Variants in DYNC1LI1 observed in about 807,000 individuals in gnomAD.
DYNC1LI1 encodes cytoplasmic dynein 1 light intermediate chain 1.
A neutral mutation model predicts 63.8 loss-of-function variants in DYNC1LI1; 19 were observed. That is an observed-to-expected ratio of 0.30 (90% CI 0.21 to 0.44). DYNC1LI1 has a LOEUF of 0.44. Ranked by LOEUF, DYNC1LI1 falls within the 20% of genes least tolerant of loss-of-function variation. DYNC1LI1 has a pLI of 1.00. For missense variants in DYNC1LI1, 565 were observed against 630.2 expected (o/e 0.90, Z 1.11); for synonymous variants, 225 against 232.3 (o/e 0.97, Z 0.28).
intron 2 of DYNC1LI1, among the ~76,000 whole-genome samples, chr3:32,568,823 T>C (rs1368091921): frequency 6.6e-6 from 1 of 152,324 alleles, no homozygotes; most frequent in East Asian, 1.9e-4. Context: ...AGAATCAATT[T>C]CAATGAGGTC....
rs1368393556 is a variant in DYNC1LI1 at position 32,529,526 on chromosome 3, A to G, written c.1306+14T>C. On this transcript the variant is annotated intron_variant, in intron 11 of 12. Coordinates refer to ENST00000273130, the MANE Select transcript of DYNC1LI1 (RefSeq NM_016141.4). ...AAAATGTATTGTCTTGTTATCTCCT[A>G]GAAAGAGATGTACCTTTCATGTTTG... The G allele has an allele frequency of 1.3e-6, 2 of 1,597,762 alleles. No individual in the cohort carries two copies. Among genetic ancestry groups the G allele is most frequent in the Non-Finnish European group, 1.7e-6 (2 of 1,171,798 alleles).
At chr3:32,545,386 A>G in intron 3 of DYNC1LI1, 1 of 457,984 alleles carries the variant, frequency 2.2e-6, no homozygotes, top group Non-Finnish European at 3.9e-6. Context: ...CCAAAACCAG[A>G]GGATGCATAA....
chr3:32,534,733 CT>C, intron 6 of DYNC1LI1, 87 bp from the exon 7 acceptor site: 1 of 1,124,250 alleles, frequency 8.9e-7, no homozygotes, highest in Non-Finnish European at 1.2e-6. Flanking sequence ...ACTTTTATTT[CT>C]ATGCATTTTA....
At chr3:32,565,536 T>G (rs533477057) in intron 2 of DYNC1LI1, among the ~76,000 whole-genome samples, 1 of 152,356 alleles carries the variant, frequency 6.6e-6, no homozygotes, top group East Asian at 1.9e-4. Context: ...ATCCTCTTAC[T>G]TACAAGGAAA....
chr3:32,560,743 C>T (rs917225003), intron 2 of DYNC1LI1, among the ~76,000 whole-genome samples: 10 of 151,740 alleles, frequency 6.6e-5, no homozygotes, highest in African/African-American at 2.4e-4. Context: ...GTGGCTCATG[C>T]CTGTAATCCC....
At chr3:32,568,979 A>G (rs147793028) in intron 2 of DYNC1LI1, among the ~76,000 whole-genome samples, 2 of 152,292 alleles carry the variant, frequency 1.3e-5, no homozygotes, top group Admixed American at 6.5e-5. Context: ...GCACTAATTC[A>G]ATTTTTTAAA....
chr3:32,564,988 A>G (rs946495938), intron 2 of DYNC1LI1, among the ~76,000 whole-genome samples: 5 of 152,100 alleles, frequency 3.3e-5, no homozygotes, highest in East Asian at 1.9e-4. Context: ...GAAGGGGGGG[A>G]AAAAAGACTT....
intron 7 of DYNC1LI1, among the ~76,000 whole-genome samples, chr3:32,533,715 C>T (rs1437481865): frequency 1.3e-5 from 2 of 151,034 alleles, no homozygotes; most frequent in Admixed American, 1.3e-4. Context: ...CAGGTGTGTA[C>T]CACATCTGGC....
chr3:32,545,733 A>C, intron 3 of DYNC1LI1, 116 bp downstream of exon 3: 1 of 760,748 alleles, frequency 1.3e-6, no homozygotes, highest in Non-Finnish European at 2.3e-6. Flanking sequence ...CTTGACCAGC[A>C]TGACATCACA....
At chr3:32,542,408 A>ATTT (rs35822448) in intron 4 of DYNC1LI1, among the ~76,000 whole-genome samples, 14 of 133,730 alleles carry the variant, frequency 1.0e-4, no homozygotes, top group Middle Eastern at 3.5e-3. Flanking sequence ...GCTATTTTCA[A>ATTT]TTTTTTTTTT....
chr3:32,532,657 C>T (rs1697717323), intron 8 of DYNC1LI1: 1 of 188,036 alleles, frequency 5.3e-6, no homozygotes, highest in Admixed American at 6.3e-5. Context: ...AAGTTCACAG[C>T]TTCTACCTAT....
intron 2 of DYNC1LI1, among the ~76,000 whole-genome samples, chr3:32,554,592 T>C (rs1451084257): frequency 1.3e-5 from 2 of 152,288 alleles, no homozygotes; most frequent in South Asian, 2.1e-4. Context: ...GAATAATCCA[T>C]GCCTCCCAAG....
rs1327431515 is a variant in DYNC1LI1 at position 32,526,463 on chromosome 3, C to T, written c.*336G>A. The T allele has an allele frequency of 6.8e-5, 11 of 161,834 alleles. No homozygotes were observed. In the East Asian group the frequency reaches 1.7e-3, roughly 26 times the overall value. 10.0% of individuals were successfully genotyped at this position (161,834 alleles called of 1,614,324 possible). On this transcript the variant is annotated 3_prime_UTR_variant, in exon 13 of 13. Transcript: ENST00000273130. Reference sequence around the variant, plus strand: ...CAAACTGCATGTTTTCTGCCGTTCCCCAAATCCTTTTACATGTTTTAAATA... The same window carrying T: ...CAAACTGCATGTTTTCTGCCGTTCCTCAAATCCTTTTACATGTTTTAAATA...
Position 32,570,858 on chromosome 3 carries a change from T to C in DYNC1LI1, c.-88A>G, listed in dbSNP as rs1698342158. ...GGTGGAGGCGGCGGGAACCCGGATA[T>C]GGGGCGTTCAGCGCACGGGAGCGGG... On this transcript the variant is annotated 5_prime_UTR_variant, in exon 1 of 13. Coordinates refer to ENST00000273130, the MANE Select transcript of DYNC1LI1 (RefSeq NM_016141.4). The C allele has an allele frequency of 2.2e-6, 3 of 1,366,006 alleles. No individual in the cohort carries two copies. Among genetic ancestry groups the C allele is most frequent in the Non-Finnish European group, 2.9e-6 (3 of 1,033,566 alleles). The allele number at this position is 1,366,006 out of a possible 1,614,324, so 84.6% of individuals were successfully genotyped here. A position where few individuals can be genotyped will look rare whatever the true frequency, so the allele number is the denominator to read the frequency against.
chr3:32,556,218 T>G (rs771737072), intron 2 of DYNC1LI1, among the ~76,000 whole-genome samples: 1 of 152,184 alleles, frequency 6.6e-6, no homozygotes, highest in African/African-American at 2.4e-5. Flanking sequence ...CGCTATCTTC[T>G]TCTGGTCTCT....
chr3:32,556,409 TCTC>T (rs1698115661), intron 2 of DYNC1LI1, among the ~76,000 whole-genome samples: 1 of 152,198 alleles, frequency 6.6e-6, no homozygotes, highest in South Asian at 2.1e-4. Context: ...TCAGGCAGGT[TCTC>T]CTAACAGTCA....
At chr3:32,534,378 T>C in intron 7 of DYNC1LI1, 133 bp downstream of exon 7, 4 of 671,498 alleles carry the variant, frequency 6.0e-6, no homozygotes, top group African/African-American at 1.9e-5. Context: ...CAAAAAACAA[T>C]CTAGGAACAG....
chr3:32,556,604 G>A (rs1698117638), intron 2 of DYNC1LI1, among the ~76,000 whole-genome samples: 1 of 152,148 alleles, frequency 6.6e-6, no homozygotes, highest in African/African-American at 2.4e-5. Context: ...GGGGTACAGT[G>A]CACAATTATG....
At chr3:32,532,901 C>T (rs1257263645) in intron 8 of DYNC1LI1, 85 bp downstream of exon 8, 17 of 1,416,158 alleles carry the variant, frequency 1.2e-5, no homozygotes, top group Non-Finnish European at 1.4e-5. Flanking sequence ...ACATTTTTGC[C>T]TTTCTACATT....
Sources: allele counts gnomAD v4.1 joint callset (sites outside exome capture counted in the v4.1 genomes callset), GRCh38; gene constraint gnomAD v4.1.1; transcripts MANE v1.5; gene names NCBI Gene and HGNC (gene_info 2026-07-23, HGNC 2026-07-21).